The following DLG2 variants were observed in gnomAD, a reference collection of about 807,000 sequenced individuals.
DLG2 encodes discs large MAGUK scaffold protein 2.
In DLG2, 45 loss-of-function variants were observed where a neutral mutation model predicts 132.5. That is an observed-to-expected ratio of 0.34 (90% CI 0.27 to 0.44). The LOEUF is 0.44. Ranked by LOEUF, DLG2 falls within the 20% of genes least tolerant of loss-of-function variation. The pLI, the probability that DLG2 is intolerant of heterozygous loss-of-function variation, is 1.00. For missense variants in DLG2, 1,045 were observed against 1,196.9 expected (o/e 0.87, Z 1.87); for synonymous variants, 424 against 419.6 (o/e 1.01, Z -0.13).
chr11:85,251,920 A>G (rs183344126), intron 4 of DLG2, among the ~76,000 whole-genome samples: 103 of 152,296 alleles, frequency 6.8e-4, no homozygotes, highest in African/African-American at 2.4e-3. Flanking sequence ...GTAATTTTAT[A>G]TTCTTTACAT....
chr11:84,922,925 G>A (rs2092825667), intron 6 of DLG2: 3 of 894,664 alleles, frequency 3.4e-6, no homozygotes, highest in Non-Finnish European at 5.2e-6. Context: ...GAGGCTGCAC[G>A]GCAACAATAA....
chr11:84,965,575 T>G (rs1356013866), intron 6 of DLG2, among the ~76,000 whole-genome samples: 1 of 152,082 alleles, frequency 6.6e-6, no homozygotes, highest in Non-Finnish European at 1.5e-5. Context: ...ATTTCTCCAT[T>G]TTGTTCATGT....
intron 18 of DLG2, among the ~76,000 whole-genome samples, chr11:83,736,847 A>T (rs1017310167): frequency 1.3e-5 from 2 of 152,198 alleles, no homozygotes; most frequent in Non-Finnish European, 2.9e-5. Context: ...AGTGATTCCA[A>T]TGAAACCTGA....
intron 25 of DLG2, among the ~76,000 whole-genome samples, chr11:83,467,600 G>C (rs1429522149): frequency 5.3e-5 from 8 of 151,060 alleles, no homozygotes; most frequent in Non-Finnish European, 1.0e-4. Context: ...AATCCAAAAA[G>C]TTCACCAGGC....
At chr11:83,485,366 ATAAG>A (rs1169939417) in intron 21 of DLG2, among the ~76,000 whole-genome samples, 5 of 152,134 alleles carry the variant, frequency 3.3e-5, no homozygotes, top group African/African-American at 1.2e-4. Flanking sequence ...CAGTCATTTT[ATAAG>A]TTATTGGCCA....
rs1566056052 is a variant in DLG2, at chr11:84,821,639, A to AAC, written c.358-286909_358-286908insGT. ...GGTTCATACAATGTAAAAAAAAAAA[A>AAC]AACAACAACAACAAAAAAAACAAAA... On this transcript the variant is annotated intron_variant, in intron 6 of 27. Coordinates refer to ENST00000376104, the MANE Select transcript of DLG2 (RefSeq NM_001142699.3). Among the ~76,000 whole-genome samples, 6 of 128,432 alleles carry AAC rather than the reference A, an allele frequency of 4.7e-5. No individual in the cohort carries two copies. In the East Asian group the frequency reaches 7.9e-4, roughly 17 times the overall value. The allele number at this position is 128,432 out of a possible 152,430, so 84.3% of individuals were successfully genotyped here.
intron 11 of DLG2, among the ~76,000 whole-genome samples, chr11:84,046,349 C>T (rs1353342687): frequency 6.6e-6 from 1 of 151,402 alleles, no homozygotes; most frequent in East Asian, 1.9e-4. Flanking sequence ...TCTTAGAATT[C>T]TTGAACATCA....
At position 84,096,623 on chromosome 11, in the gene DLG2, G is replaced by C. The variant is rs749047719; in HGVS notation, c.749+2300C>G. ...TGGTGAAAAATTATGATTATGGCCC[G>C]CCATAATGATAATTTAGAGATAATT... On this transcript the variant is annotated intron_variant, in intron 10 of 27. Coordinates refer to ENST00000376104, the MANE Select transcript of DLG2 (RefSeq NM_001142699.3). Among the ~76,000 whole-genome samples the C allele has an allele frequency of 7.2e-5, 11 of 151,954 alleles. No homozygotes were observed. The East Asian group carries it at 9.7e-4, about 13-fold the overall frequency.
In DLG2 at chr11:84,077,624, A is replaced by G. The variant is rs1007143166; in HGVS notation, c.750-18140T>C. 2.6e-5 allele frequency among the ~76,000 whole-genome samples: 4 copies of G among 152,364 alleles called. No homozygotes were observed. The East Asian group carries it at 7.7e-4, about 29-fold the overall frequency. On this transcript the variant is annotated intron_variant, in intron 10 of 27. Transcript: ENST00000376104. ...TTATAAATTTAAATAGTAGCAAAGG[A>G]TATCATTTCTGACCTACTGTGAATT... is the stretch of plus-strand genomic sequence containing the variant.
chr11:83,945,991 C>CTTTT (rs1163812479), intron 14 of DLG2, among the ~76,000 whole-genome samples: 1 of 116,504 alleles, frequency 8.6e-6, no homozygotes, highest in African/African-American at 4.0e-5. Context: ...TTCTCTCTCT[C>CTTTT]TCTTTTTTTT....
intron 21 of DLG2, among the ~76,000 whole-genome samples, chr11:83,517,122 T>C (rs1347214150): frequency 6.6e-6 from 1 of 152,206 alleles, no homozygotes; most frequent in Admixed American, 6.5e-5. Context: ...AGAGTGTTTT[T>C]CAACTTGGTT....
At chr11:84,827,750 A>AT (rs1254419801) in intron 6 of DLG2, among the ~76,000 whole-genome samples, 1 of 150,396 alleles carries the variant, frequency 6.6e-6, no homozygotes, top group Non-Finnish European at 1.5e-5. Flanking sequence ...ACCAAGAGCC[A>AT]TTTTTTTCTA....
At chr11:85,260,880 G>A (rs2076904285) in intron 4 of DLG2, among the ~76,000 whole-genome samples, 1 of 152,154 alleles carries the variant, frequency 6.6e-6, no homozygotes. Context: ...TCTCTTCATG[G>A]TAGACACAGT....
chr11:85,553,758 C>T lies in DLG2; in HGVS notation c.40+44899G>A, dbSNP rs549409589. Among the ~76,000 whole-genome samples, 4 of 151,226 alleles carry T rather than the reference C, an allele frequency of 2.6e-5. No homozygotes were observed. In the South Asian group the frequency reaches 6.2e-4, roughly 24 times the overall value. On this transcript the variant is annotated intron_variant, in intron 3 of 27. Transcript: ENST00000376104. ...ATACTAAATACCAAGAATAAGTTTACAGAATATAAATCAACAAAATTGGAG... is the reference window on the plus strand; with the variant it reads ...ATACTAAATACCAAGAATAAGTTTATAGAATATAAATCAACAAAATTGGAG...
At chr11:84,992,149 A>G (rs1163185707) in intron 6 of DLG2, among the ~76,000 whole-genome samples, 1 of 152,048 alleles carries the variant, frequency 6.6e-6, no homozygotes, top group Non-Finnish European at 1.5e-5. Flanking sequence ...TGTTTTCTGA[A>G]CTTACTCATG....
chr11:83,475,064 C>T (rs1320353870), intron 22 of DLG2, among the ~76,000 whole-genome samples: 4 of 152,120 alleles, frequency 2.6e-5, no homozygotes. Flanking sequence ...TGTTGGTAGA[C>T]AGCAATGGCA....
intron 19 of DLG2, among the ~76,000 whole-genome samples, chr11:83,550,012 G>T (rs1391002703): frequency 6.6e-6 from 1 of 152,186 alleles, no homozygotes; most frequent in Non-Finnish European, 1.5e-5. Context: ...TCGAAGGGAA[G>T]ATTTATTATG....
At chr11:85,168,021 A>C (rs1028623632) in intron 4 of DLG2, among the ~76,000 whole-genome samples, 4 of 152,164 alleles carry the variant, frequency 2.6e-5, no homozygotes, top group African/African-American at 9.7e-5. Context: ...AACTGGGCAC[A>C]GACAAATAAA....
chr11:85,023,797 A>G (rs1460830399), intron 6 of DLG2, among the ~76,000 whole-genome samples: 2 of 152,104 alleles, frequency 1.3e-5, no homozygotes, highest in Non-Finnish European at 2.9e-5. Context: ...GCATCAAAAT[A>G]TAGATTGCTA....
Sources: allele counts gnomAD v4.1 joint callset (sites outside exome capture counted in the v4.1 genomes callset), GRCh38; gene constraint gnomAD v4.1.1; transcripts MANE v1.5; gene names NCBI Gene and HGNC (gene_info 2026-07-23, HGNC 2026-07-21).